The following GPR157 variants were observed in gnomAD, a reference collection of about 807,000 sequenced individuals.
GPR157 encodes the protein G protein-coupled receptor 157, also known as G-protein coupled receptor 157.
A neutral mutation model predicts 23.5 loss-of-function variants in GPR157; 16 were observed. The ratio of observed to expected loss-of-function variants is 0.68; its 90% confidence interval spans 0.46 to 1.04. The LOEUF (loss-of-function observed/expected upper bound fraction) is 1.04, where lower values mean the gene tolerates loss of function less well. Ranked by LOEUF, GPR157 falls within the 50% of genes least tolerant of loss-of-function variation. The pLI, the probability that GPR157 is intolerant of heterozygous loss-of-function variation, is 0.00. For synonymous variants in GPR157, 200 were observed against 221.5 expected (o/e 0.90, Z 0.86); for missense variants, 440 against 460.7 (o/e 0.96, Z 0.41).
At chr1:9,125,270 C>T (rs1264321032) in intron 1 of GPR157, among the ~76,000 whole-genome samples, 1 of 151,924 alleles carries the variant, frequency 6.6e-6, no homozygotes, top group African/African-American at 2.4e-5. Context: ...GGCTGGAATG[C>T]AGTGGTGGTC....
intron 2 of GPR157, 59 bp downstream of exon 2, chr1:9,111,217 C>T (rs770807401): frequency 6.5e-7 from 1 of 1,534,746 alleles, no homozygotes; most frequent in Admixed American, 1.7e-5. Context: ...CAATGCCAGG[C>T]CTTGCACCTG....
intron 1 of GPR157, among the ~76,000 whole-genome samples, chr1:9,115,739 T>C (rs1458237058): frequency 6.6e-6 from 1 of 152,034 alleles, no homozygotes; most frequent in Non-Finnish European, 1.5e-5. Flanking sequence ...AACACTTAAG[T>C]TTAATCTATA....
At chr1:9,106,551 G>A (rs1011940427) in intron 2 of GPR157, among the ~76,000 whole-genome samples, 1 of 152,178 alleles carries the variant, frequency 6.6e-6, no homozygotes, top group Admixed American at 6.5e-5. Flanking sequence ...CCAGGGCTCC[G>A]CACTGGCTGC....
intron 1 of GPR157, among the ~76,000 whole-genome samples, chr1:9,122,350 A>G (rs1191114104): frequency 6.6e-6 from 1 of 152,198 alleles, no homozygotes; most frequent in Non-Finnish European, 1.5e-5. Flanking sequence ...AACCTTAAAA[A>G]AGCAACTGCC....
intron 1 of GPR157, among the ~76,000 whole-genome samples, chr1:9,127,317 G>T (rs1156267786): frequency 1.3e-5 from 2 of 152,076 alleles, no homozygotes; most frequent in African/African-American, 2.4e-5. Flanking sequence ...ACCAGGTTCT[G>T]TTACCATTAA....
chr1:9,119,224 G>A (rs1291126480), intron 1 of GPR157, among the ~76,000 whole-genome samples: 1 of 151,962 alleles, frequency 6.6e-6, no homozygotes, highest in Non-Finnish European at 1.5e-5. Context: ...GTAGAGACGG[G>A]GTTTCACCAT....
At chr1:9,113,617 T>C (rs893683745) in intron 1 of GPR157, among the ~76,000 whole-genome samples, 4 of 152,100 alleles carry the variant, frequency 2.6e-5, no homozygotes, top group Middle Eastern at 3.4e-3. Context: ...AGGCAGCATG[T>C]CCTGTTGGAA....
At chr1:9,110,576 G>A (rs1638461331) in intron 2 of GPR157, among the ~76,000 whole-genome samples, 1 of 152,148 alleles carries the variant, frequency 6.6e-6, no homozygotes. Flanking sequence ...GTGACCGAGT[G>A]GATCAAAGAA....
chr1:9,114,391 TGTGCTGTTCCTC>T (rs2124516323), intron 1 of GPR157, among the ~76,000 whole-genome samples: 1 of 151,236 alleles, frequency 6.6e-6, no homozygotes, highest in African/African-American at 2.4e-5. Context: ...CTAGTCATAA[TGTGCTGTTCCTC>T]GTTACTTTAC....
intron 1 of GPR157, among the ~76,000 whole-genome samples, chr1:9,113,036 C>T (rs1013407544): frequency 6.6e-6 from 1 of 152,156 alleles, no homozygotes; most frequent in Non-Finnish European, 1.5e-5. Context: ...GTGTGGATGA[C>T]GACAGTGACT....
intron 1 of GPR157, among the ~76,000 whole-genome samples, chr1:9,124,185 A>G (rs1283138467): frequency 6.6e-6 from 1 of 152,148 alleles, no homozygotes; most frequent in Non-Finnish European, 1.5e-5. Flanking sequence ...GTTACAGCCA[A>G]AAGACAACAT....
intron 1 of GPR157, among the ~76,000 whole-genome samples, chr1:9,123,439 TTAA>T (rs1638873386): frequency 8.5e-6 from 1 of 117,526 alleles, no homozygotes; most frequent in African/African-American, 3.4e-5. Flanking sequence ...TATATTTAAT[TTAA>T]ATACATATTA....
chr1:9,113,954 CAA>C (rs763377352), intron 1 of GPR157, among the ~76,000 whole-genome samples: 3 of 85,188 alleles, frequency 3.5e-5, no homozygotes, highest in East Asian at 3.2e-4. Flanking sequence ...AAAAAAAAAC[CAA>C]ACACACACAC....
chr1:9,100,643 T>C lies in GPR157; in HGVS notation c.*3776A>G, dbSNP rs1226650392. On this transcript the variant is annotated 3_prime_UTR_variant, in exon 4 of 4. Coordinates refer to ENST00000377411, the MANE Select transcript of GPR157 (RefSeq NM_024980.5). ...AGGGACGCTGAGCTGCGGACACCGT[T>C]CCGGCTGCAGTACGTGTTATGGCTG... 2.0e-5 allele frequency: 3 copies of C among 152,222 alleles called. No homozygotes were observed. Among genetic ancestry groups the C allele is most frequent in the Non-Finnish European group, 4.4e-5 (3 of 68,062 alleles). The allele number at this position is 152,222 out of a possible 1,614,324, so 9.4% of individuals were successfully genotyped here.
At chr1:9,123,252 A>ATG (rs1638848610) in intron 1 of GPR157, among the ~76,000 whole-genome samples, 1 of 27,130 alleles carries the variant, frequency 3.7e-5, no homozygotes, top group African/African-American at 1.9e-4. Flanking sequence ...TAATTTAAAT[A>ATG]TATATTTAAA....
Position 9,104,390 on chromosome 1 carries a change from C to T in GPR157, c.*29G>A, listed in dbSNP as rs1642608738. On this transcript the variant is annotated 3_prime_UTR_variant, in exon 4 of 4. Coordinates refer to ENST00000377411, the MANE Select transcript of GPR157 (RefSeq NM_024980.5). ...GTGCCTACCCCCAGGAAGGCAGCAC[C>T]TATGCACAGAACTAGAAAGGACAAA... 6.4e-7 allele frequency: 1 copy of T among 1,572,956 alleles called. No individual in the cohort carries two copies.
intron 1 of GPR157, among the ~76,000 whole-genome samples, chr1:9,115,748 T>C (rs368319084): frequency 2.0e-5 from 3 of 151,950 alleles, no homozygotes; most frequent in Non-Finnish European, 4.4e-5. Flanking sequence ...GTTTAATCTA[T>C]ACCTTTAATG....
Position 9,105,498 on chromosome 1 carries a change from C to T in GPR157, c.780G>A (p.Leu260=). ...CGSPAVQTPV[L]VVLHGIGNTF... ...AGGGCAGACCTACATGCAGAACCAC[C>T]AGCACCGGCGTCTGCACGGCCGGGG... The change falls in exon 3 of 4, where the codon CTG becomes CTA. Residue 260 remains leucine (L), a synonymous_variant. Transcript: ENST00000377411. The surrounding 1 kb of genome is among the most constrained non-coding windows in gnomAD (Gnocchi z 4.8). 1 of 1,568,236 alleles carries T rather than the reference C, an allele frequency of 6.4e-7. No homozygotes were observed. The highest frequency in any genetic ancestry group is 8.7e-7 in the Non-Finnish European group (1 of 1,155,944).
rs61785839 is a variant in GPR157, at chr1:9,128,817, T to C, written c.211A>G (p.Asn71Asp). The change falls in exon 1 of 4, where the codon AAC becomes GAC. Residue 71 changes from asparagine to aspartate, a missense_variant. By Grantham distance (23) the Asn-to-Asp change is conservative (BLOSUM62 1). Transcript: ENST00000377411. The surrounding 1 kb of genome is among the most constrained non-coding windows in gnomAD (Gnocchi z 6.3). The part of the protein sequence containing the change: ...AASYFYGVLQ[N>D]FAGPSWDCVL... ...CAGTCCCACGACGGGCCCGCGAAGT[T>C]CTGCAGCACTCCGTAGAAGTAGGAG... The C allele has an allele frequency of 0.018, 29,413 of 1,609,586 alleles. 1,750 individuals carry two copies. The highest frequency in any genetic ancestry group is 0.17 in the East Asian group (7,527 of 44,678).
Sources: gnomAD v4.1 joint callset for allele counts (sites outside exome capture counted in the v4.1 genomes callset) on GRCh38, gnomAD v4.1.1 for gene constraint, Gnocchi (gnomAD v3.1) non-coding constraint, MANE v1.5 for transcripts, NCBI Gene and HGNC (gene_info 2026-07-23, HGNC 2026-07-21) for gene names.